Variants in DLG1 observed in about 807,000 individuals in gnomAD.
DLG1 encodes the protein discs large MAGUK scaffold protein 1, also known as disks large homolog 1.
A neutral mutation model predicts 123.4 loss-of-function variants in DLG1; 42 were observed. The ratio of observed to expected loss-of-function variants is 0.34; its 90% CI spans 0.27 to 0.44. DLG1 has a LOEUF of 0.44. Ranked by LOEUF, DLG1 falls within the 20% of genes least tolerant of loss-of-function variation. The probability of loss-of-function intolerance (pLI) is 1.00; values close to 1 mark genes in which losing one functional copy is unlikely to be tolerated. For missense variants in DLG1, 942 were observed against 1,082.6 expected (o/e 0.87, Z 1.82); for synonymous variants, 317 against 356.2 (o/e 0.89, Z 1.24).
In DLG1 at chr3:197,298,524, A is replaced by C. The variant is rs1778570116; in HGVS notation, c.-32+12T>G. 5.0e-6 allele frequency: 2 copies of C among 398,532 alleles called. No individual in the cohort carries two copies. The highest frequency in any genetic ancestry group is 4.4e-6 in the Non-Finnish European group (1 of 226,110). 24.7% of individuals were successfully genotyped at this position (398,532 alleles called of 1,614,324 possible). On this transcript the variant is annotated intron_variant, in intron 1 of 24. Coordinates refer to ENST00000667157, the MANE Select transcript of DLG1 (RefSeq NM_001366207.1). ...CGTGACCTCGCCTACACCAGATCCA[A>C]GGCGCACATACCGAGACACCCCTCA... is the stretch of plus-strand genomic sequence containing the variant.
At chr3:197,119,214 A>C (rs951299030) in intron 12 of DLG1, among the ~76,000 whole-genome samples, 196 bp downstream of exon 12, 1 of 152,226 alleles carries the variant, frequency 6.6e-6, no homozygotes, top group Non-Finnish European at 1.5e-5. Context: ...AAGGAGTGGT[A>C]ATTTATTTGT....
chr3:197,153,450 G>T, intron 5 of DLG1, among the ~76,000 whole-genome samples: 1 of 152,176 alleles, frequency 6.6e-6, no homozygotes, highest in African/African-American at 2.4e-5. Flanking sequence ...TCAGTCAACT[G>T]TGTACCGCCT....
chr3:197,205,775 T>C (rs1446837775), intron 4 of DLG1, among the ~76,000 whole-genome samples: 2 of 152,222 alleles, frequency 1.3e-5, no homozygotes, highest in African/African-American at 2.4e-5. Context: ...AGTTCTGTAG[T>C]TGAGAAGTCC....
At chr3:197,184,352 G>A (rs1407006391) in intron 5 of DLG1, among the ~76,000 whole-genome samples, 1 of 152,178 alleles carries the variant, frequency 6.6e-6, no homozygotes, top group African/African-American at 2.4e-5. Flanking sequence ...CATATAAGAG[G>A]ATTCTCTCTG....
In DLG1 at chr3:197,066,726, A is replaced by G. The variant is rs1435497508; in HGVS notation, c.2076T>C (p.Tyr692=). The G allele has an allele frequency of 6.2e-7, 1 of 1,606,148 alleles. No individual in the cohort carries two copies. Among genetic ancestry groups the G allele is most frequent in the South Asian group, 1.1e-5 (1 of 90,386 alleles). Residue 692 remains tyrosine, a synonymous_variant, in exon 20 of 25, where the codon TAT becomes TAC. Transcript: ENST00000667157. ...AACCTTCTTGTTGATTCACTGGTTC[A>G]TAAGATAAGACGTATTCTTCTTGAC... is the stretch of plus-strand genomic sequence containing the variant. ...YRGQEEYVLS[Y]EPVNQQEVNY...
At chr3:197,297,269 G>A (rs778496656) in intron 1 of DLG1, 34 bp from the exon 2 acceptor site, 9 of 1,611,118 alleles carry the variant, frequency 5.6e-6, no homozygotes, top group Admixed American at 1.7e-5. Context: ...AAAAAGGATA[G>A]AATCATGTTA....
chr3:197,208,278 A>C (rs1279944717), intron 4 of DLG1, among the ~76,000 whole-genome samples: 3 of 146,782 alleles, frequency 2.0e-5, no homozygotes, highest in Non-Finnish European at 4.6e-5. Flanking sequence ...AGGACATAGG[A>C]AAAACAGGCA....
rs144880449 is a variant in DLG1, at chr3:197,170,421, CTT to C, written c.484-20627_484-20626del. ...TTTCTCCACAAACTTGCCAGCATCT[CTT>C]GTTTTGATTTTTTTTAAAGTAGCCA... On this transcript the variant is annotated intron_variant, in intron 5 of 24. Coordinates refer to ENST00000667157, the MANE Select transcript of DLG1 (RefSeq NM_001366207.1). Among the ~76,000 whole-genome samples the C allele has an allele frequency of 3.8e-3, 579 of 152,088 alleles. 5 individuals are homozygous for C. Among genetic ancestry groups the C allele is most frequent in the African/African-American group, 0.013 (542 of 41,496 alleles).
At chr3:197,185,913 T>A (rs1348135008) in intron 5 of DLG1, among the ~76,000 whole-genome samples, 22 of 152,178 alleles carry the variant, frequency 1.4e-4, no homozygotes, top group Admixed American at 3.9e-4. Context: ...GGGTCAATGG[T>A]AGGCTCTTAG....
At chr3:197,198,085 G>A (rs1242698861) in intron 4 of DLG1, among the ~76,000 whole-genome samples, 2 of 151,986 alleles carry the variant, frequency 1.3e-5, no homozygotes, top group Non-Finnish European at 2.9e-5. Flanking sequence ...GACATTAAAA[G>A]CATCAGCAAC....
intron 22 of DLG1, among the ~76,000 whole-genome samples, chr3:197,061,949 T>C (rs557833479): frequency 1.4e-3 from 220 of 152,326 alleles, no homozygotes; most frequent in Non-Finnish European, 2.5e-3. Flanking sequence ...TGTTCACTAA[T>C]TTTAGAATAC....
chr3:197,133,855 G>A (rs1783844596), intron 10 of DLG1, among the ~76,000 whole-genome samples: 1 of 152,192 alleles, frequency 6.6e-6, no homozygotes, highest in South Asian at 2.1e-4. Flanking sequence ...AGGAAGGTGT[G>A]TCAAACTCCA....
At chr3:197,156,892 A>G (rs1388479670) in intron 5 of DLG1, among the ~76,000 whole-genome samples, 1 of 152,246 alleles carries the variant, frequency 6.6e-6, no homozygotes, top group Admixed American at 6.5e-5. Flanking sequence ...CAGAACAACC[A>G]GACATATGAT....
chr3:197,089,634 T>G (rs1756567122), intron 15 of DLG1, among the ~76,000 whole-genome samples: 1 of 152,016 alleles, frequency 6.6e-6, no homozygotes. Flanking sequence ...TATGTTCTGA[T>G]TTTTATGCCT....
intron 4 of DLG1, among the ~76,000 whole-genome samples, chr3:197,252,957 C>T (rs907564658): frequency 9.2e-5 from 14 of 151,614 alleles, no homozygotes; most frequent in Non-Finnish European, 1.5e-4. Flanking sequence ...AAATACTAAC[C>T]CAAAATGGAT....
chr3:197,280,359 G>GTA lies in DLG1; in HGVS notation c.318+2319_318+2320insTA, dbSNP rs796426632. Among the ~76,000 whole-genome samples the GTA allele has an allele frequency of 7.3e-3, 1,105 of 151,970 alleles. 10 individuals are homozygous for GTA. The highest frequency in any genetic ancestry group is 0.024 in the African/African-American group (976 of 41,430). On this transcript the variant is annotated intron_variant, in intron 4 of 24. Transcript: ENST00000667157. ...ATTTTGTGTGTGTGTGTGTGTGTGTGTGTGTGTGTATCACACTTTATCCAT... is the reference window on the plus strand; with the variant it reads ...ATTTTGTGTGTGTGTGTGTGTGTGTGTATGTGTGTGTATCACACTTTATCCAT...
intron 3 of DLG1, among the ~76,000 whole-genome samples, chr3:197,295,469 T>C (rs1224221672): frequency 2.0e-5 from 3 of 146,936 alleles, no homozygotes; most frequent in Non-Finnish European, 4.5e-5. Flanking sequence ...TGTTATATAG[T>C]TGATAACTAA....
At chr3:197,292,659 G>A (rs1052687095) in intron 3 of DLG1, among the ~76,000 whole-genome samples, 1 of 152,204 alleles carries the variant, frequency 6.6e-6, no homozygotes, top group African/African-American at 2.4e-5. Flanking sequence ...ATAAGGGCTA[G>A]TGAAACTATT....
chr3:197,260,654 C>A (rs1216113539), intron 4 of DLG1, among the ~76,000 whole-genome samples: 1 of 140,174 alleles, frequency 7.1e-6, no homozygotes, highest in Non-Finnish European at 1.5e-5. Context: ...GACAGGAAGT[C>A]ATCTGATGAA....
Sources: gnomAD v4.1 joint callset for allele counts (sites outside exome capture counted in the v4.1 genomes callset) on GRCh38, gnomAD v4.1.1 for gene constraint, MANE v1.5 for transcripts, NCBI Gene and HGNC (gene_info 2026-07-23, HGNC 2026-07-21) for gene names.